Variants in CTNNA3 observed in about 807,000 individuals in gnomAD.
The protein encoded by CTNNA3 is catenin alpha 3.
In CTNNA3, 76 loss-of-function variants were observed where a neutral mutation model predicts 95.7. The ratio of observed to expected loss-of-function variants is 0.79; its 90% CI spans 0.66 to 0.96. CTNNA3 has a LOEUF of 0.96. Ranked by LOEUF, CTNNA3 falls within the 40% of genes least tolerant of loss-of-function variation. The pLI, the probability that CTNNA3 is intolerant of heterozygous loss-of-function variation, is 0.00. For synonymous variants in CTNNA3, 431 were observed against 374.4 expected (o/e 1.15, Z -1.74); for missense variants, 1,191 against 1,089.8 (o/e 1.09, Z -1.31).
At chr10:67,466,741 C>T (rs1351458487) in intron 5 of CTNNA3, among the ~76,000 whole-genome samples, 1 of 152,132 alleles carries the variant, frequency 6.6e-6, no homozygotes, top group Non-Finnish European at 1.5e-5. Flanking sequence ...CCAAGACATG[C>T]CTATAAAATT....
intron 7 of CTNNA3, among the ~76,000 whole-genome samples, chr10:67,025,193 C>G (rs1209980113): frequency 2.0e-5 from 3 of 149,024 alleles, no homozygotes; most frequent in African/African-American, 7.4e-5. Context: ...AAAGAAACCA[C>G]AAGAAATATT....
At chr10:67,123,527 G>A (rs1859568180) in intron 7 of CTNNA3, among the ~76,000 whole-genome samples, 1 of 152,040 alleles carries the variant, frequency 6.6e-6, no homozygotes, top group Admixed American at 6.6e-5. Flanking sequence ...ATCATTAACA[G>A]CCACAACAAA....
intron 11 of CTNNA3, among the ~76,000 whole-genome samples, chr10:66,496,050 C>A (rs1589333277): frequency 6.6e-6 from 1 of 152,120 alleles, no homozygotes; most frequent in South Asian, 2.1e-4. Flanking sequence ...ACCATATTAG[C>A]ATAGAGTGAT....
intron 7 of CTNNA3, among the ~76,000 whole-genome samples, chr10:66,994,262 C>T (rs1851204793): frequency 6.6e-6 from 1 of 152,130 alleles, no homozygotes; most frequent in Non-Finnish European, 1.5e-5. Flanking sequence ...AAGGAAAATG[C>T]TCTCCAAGCT....
intron 5 of CTNNA3, among the ~76,000 whole-genome samples, chr10:67,322,434 T>C (rs193207126): frequency 1.3e-5 from 2 of 152,304 alleles, no homozygotes; most frequent in Admixed American, 1.3e-4. Flanking sequence ...TGTCCATGTG[T>C]TCTCATCATT....
intron 7 of CTNNA3, among the ~76,000 whole-genome samples, chr10:66,799,452 G>A (rs1014148467): frequency 6.6e-6 from 1 of 151,466 alleles, no homozygotes; most frequent in Non-Finnish European, 1.5e-5. Context: ...CTGAAAAATA[G>A]AATATCTGAA....
rs570436953 is a variant in CTNNA3, at chr10:66,729,356, G to A, written c.1281+36908C>T. ...ATATTTTTACACTGCAGGTGAGAGTGCAAATTAGTTCAACAATTGCGGAAG... is the reference window on the plus strand; with the variant it reads ...ATATTTTTACACTGCAGGTGAGAGTACAAATTAGTTCAACAATTGCGGAAG... On this transcript the variant is annotated intron_variant, in intron 9 of 17. Coordinates refer to ENST00000433211, the MANE Select transcript of CTNNA3 (RefSeq NM_013266.4). Among the ~76,000 whole-genome samples, 246 of 152,344 alleles carry A rather than the reference G, an allele frequency of 1.6e-3. 1 individual carries two copies. The highest frequency in any genetic ancestry group is 5.6e-3 in the African/African-American group (232 of 41,582).
intron 1 of CTNNA3, among the ~76,000 whole-genome samples, chr10:67,723,327 T>C (rs1030187154): frequency 6.6e-6 from 1 of 151,396 alleles, no homozygotes; most frequent in Non-Finnish European, 1.5e-5. Flanking sequence ...GGTCTCATTC[T>C]GTTGCTGAGG....
intron 10 of CTNNA3, among the ~76,000 whole-genome samples, chr10:66,611,945 G>A (rs1844343118): frequency 6.6e-6 from 1 of 152,054 alleles, no homozygotes; most frequent in Non-Finnish European, 1.5e-5. Context: ...TAATCTAGTG[G>A]TGACATCTCA....
chr10:66,136,118 G>A (rs1213519566), intron 13 of CTNNA3, among the ~76,000 whole-genome samples: 2 of 152,036 alleles, frequency 1.3e-5, no homozygotes, highest in African/African-American at 4.8e-5. Flanking sequence ...TAGCCAGGAT[G>A]GTCTCGATCT....
At chr10:67,234,780 G>A (rs201583107) in intron 5 of CTNNA3, among the ~76,000 whole-genome samples, 3 of 151,994 alleles carry the variant, frequency 2.0e-5, no homozygotes, top group East Asian at 1.9e-4. Context: ...TCTCAGCCCA[G>A]AATCTCCTTA....
At chr10:67,336,224 T>C (rs1393234786) in intron 5 of CTNNA3, among the ~76,000 whole-genome samples, 1 of 152,188 alleles carries the variant, frequency 6.6e-6, no homozygotes, top group African/African-American at 2.4e-5. Context: ...ATGTTGAAAT[T>C]AGGCCAATTA....
intron 11 of CTNNA3, among the ~76,000 whole-genome samples, chr10:66,490,175 C>T (rs1839874658): frequency 6.6e-6 from 1 of 152,146 alleles, no homozygotes; most frequent in South Asian, 2.1e-4. Context: ...GCCATAACCT[C>T]TGAAGCCTTT....
intron 9 of CTNNA3, among the ~76,000 whole-genome samples, chr10:66,734,633 G>A (rs1286121635): frequency 1.3e-5 from 2 of 152,102 alleles, no homozygotes; most frequent in Non-Finnish European, 2.9e-5. Flanking sequence ...GGAGGCCAAG[G>A]CGGGTGGATC....
Position 67,455,968 on chromosome 10 carries a change from G to A in CTNNA3, c.579+65874C>T, listed in dbSNP as rs76968988. Reference sequence around the variant, plus strand: ...GACAAATGTATCATAGCAATATAAGGTTACAATAGAAGAAACTGCAAGAAA... The same window carrying A: ...GACAAATGTATCATAGCAATATAAGATTACAATAGAAGAAACTGCAAGAAA... On this transcript the variant is annotated intron_variant, in intron 5 of 17. Transcript: ENST00000433211. 0.027 allele frequency among the ~76,000 whole-genome samples: 4,035 copies of A among 152,174 alleles called. 389 individuals carry two copies. The East Asian group carries it at 0.34, about 13-fold the overall frequency.
intron 15 of CTNNA3, among the ~76,000 whole-genome samples, chr10:66,038,002 C>T (rs138964338): frequency 7.4e-4 from 112 of 152,264 alleles, no homozygotes; most frequent in African/African-American, 1.4e-3. Flanking sequence ...TGCAGCTCTA[C>T]GTGTTCACCA....
chr10:67,358,966 G>T (rs775817027), intron 5 of CTNNA3, among the ~76,000 whole-genome samples: 2 of 152,006 alleles, frequency 1.3e-5, no homozygotes, highest in African/African-American at 2.4e-5. Flanking sequence ...TAAGAGACAT[G>T]CATGGCTGAG....
At chr10:66,811,468 A>G (rs1005192179) in intron 7 of CTNNA3, among the ~76,000 whole-genome samples, 5 of 152,218 alleles carry the variant, frequency 3.3e-5, no homozygotes, top group African/African-American at 7.2e-5. Flanking sequence ...GGCAGAATGC[A>G]TAGTAATAAA....
At chr10:66,949,319 G>T (rs1848421343) in intron 7 of CTNNA3, among the ~76,000 whole-genome samples, 1 of 152,160 alleles carries the variant, frequency 6.6e-6, no homozygotes, top group South Asian at 2.1e-4. Context: ...CACTTTGGGA[G>T]GCCGAGGCAG....
Sources: gnomAD v4.1 joint callset for allele counts (sites outside exome capture counted in the v4.1 genomes callset) on GRCh38, gnomAD v4.1.1 for gene constraint, MANE v1.5 for transcripts, NCBI Gene and HGNC (gene_info 2026-07-23, HGNC 2026-07-21) for gene names.